Variants in GLIS3 observed in about 807,000 individuals in gnomAD.
The protein encoded by GLIS3 is GLIS family zinc finger 3, also known as zinc finger protein GLIS3.
In GLIS3, 53 loss-of-function variants were observed where a neutral mutation model predicts 78.6. That is an observed-to-expected ratio of 0.67 (90% CI 0.54 to 0.85). The LOEUF is 0.85. Among genes scored for constraint, GLIS3 ranks in the 40% least tolerant of loss-of-function variants. GLIS3 has a pLI of 0.00. For synonymous variants in GLIS3, 684 were observed against 509.9 expected, an observed-to-expected ratio of 1.34 and a Z score of -4.60; for missense variants, 1,703 against 1,231.1, an observed-to-expected ratio of 1.38 and a Z score of -5.74.
the GLIS3 span, among the ~76,000 whole-genome samples, chr9:4,478,506 G>C: frequency 6.6e-6 from 1 of 151,914 alleles, no homozygotes; most frequent in Non-Finnish European, 1.5e-5. Flanking sequence ...AGCTACTCCG[G>C]AGGCTGAGGC....
intron 2 of GLIS3, among the ~76,000 whole-genome samples, chr9:4,248,215 T>C (rs575154648): frequency 1.3e-5 from 2 of 149,072 alleles, no homozygotes; most frequent in African/African-American, 4.8e-5. Context: ...ATTACTTATT[T>C]CTCCTAATGT....
intron 3 of GLIS3, among the ~76,000 whole-genome samples, chr9:4,119,683 G>A (rs150114482): frequency 1.2e-3 from 180 of 152,284 alleles, no homozygotes; most frequent in African/African-American, 4.1e-3. Flanking sequence ...TGGGCCAAGA[G>A]CAGATCGTTC....
intron 6 of GLIS3, among the ~76,000 whole-genome samples, chr9:3,904,714 C>T (rs940620489): frequency 6.6e-6 from 1 of 152,204 alleles, no homozygotes; most frequent in Non-Finnish European, 1.5e-5. Context: ...CCAATCTCTA[C>T]AGTGTGTTGG....
At chr9:3,836,214 G>T (rs1360978490) in intron 9 of GLIS3, among the ~76,000 whole-genome samples, 2 of 152,230 alleles carry the variant, frequency 1.3e-5, no homozygotes, top group South Asian at 4.1e-4. Context: ...CTGGGTAGAA[G>T]AATAAGCAGA....
At chr9:3,849,694 G>C (rs1819299397) in intron 9 of GLIS3, among the ~76,000 whole-genome samples, 1 of 152,098 alleles carries the variant, frequency 6.6e-6, no homozygotes. Flanking sequence ...GATCACTTGA[G>C]GTCAGAAGTT....
intron 2 of GLIS3, among the ~76,000 whole-genome samples, chr9:4,282,038 C>G (rs1827604912): frequency 6.6e-6 from 1 of 152,100 alleles, no homozygotes; most frequent in Non-Finnish European, 1.5e-5. Flanking sequence ...TAAATAATAT[C>G]AAATGTATAC....
intron 2 of GLIS3, among the ~76,000 whole-genome samples, chr9:4,249,085 T>C (rs1341939538): frequency 6.6e-6 from 1 of 152,196 alleles, no homozygotes; most frequent in Non-Finnish European, 1.5e-5. Flanking sequence ...TTTGTCCTTT[T>C]TGCTTAGGGT....
At chr9:3,883,699 T>G (rs1821886543) in intron 7 of GLIS3, among the ~76,000 whole-genome samples, 1 of 152,152 alleles carries the variant, frequency 6.6e-6, no homozygotes, top group African/African-American at 2.4e-5. Context: ...TCATTGTCTG[T>G]GTCAACTCCG....
At chr9:4,242,813 G>C (rs1366656728) in intron 2 of GLIS3, among the ~76,000 whole-genome samples, 1 of 151,960 alleles carries the variant, frequency 6.6e-6, no homozygotes, top group African/African-American at 2.4e-5. Flanking sequence ...GGCTGAAATA[G>C]TATTTTAGAT....
intron 2 of GLIS3, among the ~76,000 whole-genome samples, chr9:4,236,632 T>A (rs529552346): frequency 1.3e-5 from 2 of 152,284 alleles, no homozygotes; most frequent in South Asian, 4.1e-4. Flanking sequence ...TGACCAAACA[T>A]AATTCACTTC....
intron 9 of GLIS3, among the ~76,000 whole-genome samples, chr9:3,848,362 C>T (rs999697129): frequency 3.9e-5 from 6 of 151,994 alleles, no homozygotes; most frequent in Admixed American, 2.0e-4. Context: ...ATTAGCTGGG[C>T]GTGGTGGCGC....
intron 4 of GLIS3, among the ~76,000 whole-genome samples, chr9:4,030,972 T>C (rs1011754225): frequency 1.3e-5 from 2 of 152,164 alleles, no homozygotes; most frequent in African/African-American, 4.8e-5. Flanking sequence ...ACCACCAGGA[T>C]GGCTACCAAA....
chr9:3,824,292 A>C lies in GLIS3; in HGVS notation c.*3980T>G, dbSNP rs1042433345. 2.0e-5 allele frequency: 3 copies of C among 152,674 alleles called. No individual in the cohort carries two copies. Among genetic ancestry groups the C allele is most frequent in the African/African-American group, 7.2e-5 (3 of 41,470 alleles). The allele number at this position is 152,674 out of a possible 1,614,324, so 9.5% of individuals were successfully genotyped here. A position where few individuals can be genotyped will look rare whatever the true frequency, so the allele number is the denominator to read the frequency against. On this transcript the variant is annotated 3_prime_UTR_variant, in exon 11 of 11. Coordinates refer to ENST00000381971, the MANE Select transcript of GLIS3 (RefSeq NM_001042413.2). ...CTACAGCTCTGGCCCAAAGCAATGCAGCATTTTAAAGCTGGACTTGAACAT... is the reference window on the plus strand; with the variant it reads ...CTACAGCTCTGGCCCAAAGCAATGCCGCATTTTAAAGCTGGACTTGAACAT...
intron 7 of GLIS3, among the ~76,000 whole-genome samples, chr9:3,885,716 C>G (rs1212169128): frequency 1.3e-5 from 2 of 152,184 alleles, no homozygotes; most frequent in Non-Finnish European, 2.9e-5. Flanking sequence ...CTCTTTGTCT[C>G]TCTCCCTGGA....
chr9:3,849,021 G>C (rs1380777664), intron 9 of GLIS3, among the ~76,000 whole-genome samples: 1 of 152,220 alleles, frequency 6.6e-6, no homozygotes, highest in Non-Finnish European at 1.5e-5. Flanking sequence ...CTGCTGCACT[G>C]ATTTCAAACA....
intron 4 of GLIS3, among the ~76,000 whole-genome samples, chr9:4,049,457 G>C (rs893248670): frequency 2.0e-5 from 3 of 152,168 alleles, no homozygotes; most frequent in African/African-American, 7.2e-5. Context: ...ATGCCAGGCT[G>C]GCTGTTAAAG....
chr9:3,984,124 G>C (rs537458830), intron 4 of GLIS3, among the ~76,000 whole-genome samples: 2 of 152,264 alleles, frequency 1.3e-5, no homozygotes, highest in South Asian at 4.1e-4. Flanking sequence ...AGAAGGGAAA[G>C]GTGATGTTGG....
intron 4 of GLIS3, among the ~76,000 whole-genome samples, chr9:4,115,800 A>G (rs1490203388): frequency 6.6e-6 from 1 of 152,188 alleles, no homozygotes; most frequent in Non-Finnish European, 1.5e-5. Flanking sequence ...GTGCACTATT[A>G]CATGTGTAAA....
chr9:4,336,483 A>G (rs1817759456), intron 2 of GLIS3, among the ~76,000 whole-genome samples: 1 of 142,370 alleles, frequency 7.0e-6, no homozygotes, highest in South Asian at 2.4e-4. Context: ...CCCTGAGGGC[A>G]CTGATACATG....
Sources: allele counts gnomAD v4.1 joint callset (sites outside exome capture counted in the v4.1 genomes callset), GRCh38; gene constraint gnomAD v4.1.1; transcripts MANE v1.5; gene names NCBI Gene and HGNC (gene_info 2026-07-23, HGNC 2026-07-21).